FANK1: variants seen among roughly 807,000 people sequenced by gnomAD.
FANK1 encodes the protein fibronectin type III and ankyrin repeat domains 1, also known as fibronectin type 3 and ankyrin repeat domains protein 1.
Under a neutral mutation model 45.3 loss-of-function variants are expected in FANK1, and 44 were observed. The observed-to-expected ratio is 0.97, with a 90% CI of 0.76 to 1.25. The LOEUF is 1.25. Among genes scored for constraint, FANK1 ranks in the 50% most tolerant of loss-of-function variants. The pLI, the probability that FANK1 is intolerant of heterozygous loss-of-function variation, is 0.00. For synonymous variants in FANK1, 149 were observed against 152.5 expected (o/e 0.98, Z 0.17); for missense variants, 391 against 424.4 (o/e 0.92, Z 0.69).
At chr10:125,920,646 C>T (rs1319478640) in intron 1 of FANK1, among the ~76,000 whole-genome samples, 2 of 152,118 alleles carry the variant, frequency 1.3e-5, no homozygotes, top group East Asian at 1.9e-4. Context: ...TGGGCTCAGC[C>T]GCTGTAGCTG....
intron 1 of FANK1, among the ~76,000 whole-genome samples, chr10:125,949,669 C>T (rs1422175012): frequency 5.1e-5 from 7 of 138,588 alleles, no homozygotes; most frequent in South Asian, 2.6e-4. Flanking sequence ...GAATCAATAT[C>T]GTGAAAATGG....
At chr10:126,007,354 A>G (rs978250789) in intron 7 of FANK1, among the ~76,000 whole-genome samples, 1 of 152,234 alleles carries the variant, frequency 6.6e-6, no homozygotes, top group Non-Finnish European at 1.5e-5. Flanking sequence ...ACCAAAAGAG[A>G]AAGTGTGTGT....
chr10:125,982,029 T>G (rs1478725478), intron 2 of FANK1, among the ~76,000 whole-genome samples: 1 of 152,266 alleles, frequency 6.6e-6, no homozygotes, highest in Non-Finnish European at 1.5e-5. Flanking sequence ...GTAGTTGCAA[T>G]GTAAAAATAG....
intron 1 of FANK1, chr10:125,979,822 C>G: frequency 2.1e-6 from 1 of 475,156 alleles, no homozygotes; most frequent in Non-Finnish European, 4.2e-6. Context: ...TTGTTAGTCA[C>G]TGAAGGATTA....
At chr10:125,946,325 A>G (rs1023792143) in intron 1 of FANK1, among the ~76,000 whole-genome samples, 2 of 149,104 alleles carry the variant, frequency 1.3e-5, no homozygotes, top group Non-Finnish European at 3.0e-5. Context: ...ACGGGAGGAC[A>G]TTCAAACCAA....
chr10:125,944,521 G>A lies in FANK1; in HGVS notation c.14-35640G>A, dbSNP rs555664911. Among the ~76,000 whole-genome samples the A allele has an allele frequency of 3.2e-4, 49 of 152,166 alleles. No homozygotes were observed. The East Asian group carries it at 4.3e-3, about 13-fold the overall frequency. ...GGGAGCAGGCCCCCCAAAATCTGGC[G>A]ATAAACCAGCCCCAAAACTGGCCAT... On this transcript the variant is annotated intron_variant, in intron 1 of 10. Coordinates refer to ENST00000368693, the MANE Select transcript of FANK1 (RefSeq NM_145235.5).
At chr10:125,927,832 C>A (rs1384524581) in intron 1 of FANK1, among the ~76,000 whole-genome samples, 1 of 152,144 alleles carries the variant, frequency 6.6e-6, no homozygotes, top group African/African-American at 2.4e-5. Context: ...AGGCATGAGC[C>A]ACTGTGCCCG....
intron 1 of FANK1, among the ~76,000 whole-genome samples, chr10:125,932,179 G>A (rs1947795636): frequency 6.6e-6 from 1 of 152,078 alleles, no homozygotes; most frequent in Non-Finnish European, 1.5e-5. Flanking sequence ...CTTTGGCTCT[G>A]CGGGCTCTTT....
At chr10:125,945,821 G>A (rs989949828) in intron 1 of FANK1, among the ~76,000 whole-genome samples, 1 of 152,212 alleles carries the variant, frequency 6.6e-6, no homozygotes, top group Non-Finnish European at 1.5e-5. Flanking sequence ...CAAAAAGACA[G>A]CAGTAACCTC....
chr10:125,930,016 T>C (rs1273744389), intron 1 of FANK1, among the ~76,000 whole-genome samples: 2 of 152,200 alleles, frequency 1.3e-5, no homozygotes, highest in Non-Finnish European at 2.9e-5. Context: ...CTTTTTCACA[T>C]GGCTATCCAG....
chr10:125,923,780 G>A lies in FANK1; in HGVS notation c.13+27125G>A, dbSNP rs78457026. ...TGAACTTAAGCATTCCTCCCACTTC[G>A]GTCTCCCAAAGTGCTGGGATTACAG... On this transcript the variant is annotated intron_variant, in intron 1 of 10. Coordinates refer to ENST00000368693, the MANE Select transcript of FANK1 (RefSeq NM_145235.5). Among the ~76,000 whole-genome samples, 12 of 151,472 alleles carry A rather than the reference G, an allele frequency of 7.9e-5. 1 individual carries two copies. The highest frequency in any genetic ancestry group is 4.2e-4 in the South Asian group (2 of 4,760).
intron 1 of FANK1, among the ~76,000 whole-genome samples, chr10:125,954,346 A>G (rs760732030): frequency 6.6e-6 from 1 of 152,216 alleles, no homozygotes; most frequent in African/African-American, 2.4e-5. Context: ...AGGATGCTGA[A>G]CAAGCTAAAC....
At chr10:125,948,651 C>T (rs1393736864) in intron 1 of FANK1, among the ~76,000 whole-genome samples, 1 of 152,140 alleles carries the variant, frequency 6.6e-6, no homozygotes, top group East Asian at 1.9e-4. Context: ...AGTCCAGGAC[C>T]AGATGGATTC....
At chr10:125,922,155 T>G (rs1946990056) in intron 1 of FANK1, among the ~76,000 whole-genome samples, 1 of 152,230 alleles carries the variant, frequency 6.6e-6, no homozygotes, top group African/African-American at 2.4e-5. Context: ...CAATTTTTCT[T>G]AAGACACTCT....
chr10:125,999,198 CTTTTT>C (rs34338283), intron 6 of FANK1, among the ~76,000 whole-genome samples: 1 of 124,472 alleles, frequency 8.0e-6, no homozygotes. Context: ...TAAAAAGTAT[CTTTTT>C]TTTTTTTTTT....
chr10:125,926,859 AT>A (rs1488856372), intron 1 of FANK1, among the ~76,000 whole-genome samples: 1 of 152,268 alleles, frequency 6.6e-6, no homozygotes, highest in Non-Finnish European at 1.5e-5. Context: ...AAGCTCTATT[AT>A]GTTAGTCTCA....
At position 125,990,301 on chromosome 10, in the gene FANK1, A is replaced by G. The variant is rs543192267; in HGVS notation, c.316+1626A>G. On this transcript the variant is annotated intron_variant, in intron 3 of 10. Coordinates refer to ENST00000368693, the MANE Select transcript of FANK1 (RefSeq NM_145235.5). ...CAGTGTGTGTGCCTGTGGCCTGAGCAGGAGTATCGCTTCAGCCAGGAGTTC... is the reference window on the plus strand; with the variant it reads ...CAGTGTGTGTGCCTGTGGCCTGAGCGGGAGTATCGCTTCAGCCAGGAGTTC... Among the ~76,000 whole-genome samples, 3 of 152,262 alleles carry G rather than the reference A, an allele frequency of 2.0e-5. No individual in the cohort carries two copies. The East Asian group carries it at 5.8e-4, about 29-fold the overall frequency.
rs540910555 is a variant in FANK1, at chr10:125,945,275, G to A, written c.14-34886G>A. 4.6e-5 allele frequency among the ~76,000 whole-genome samples: 7 copies of A among 152,280 alleles called. No individual in the cohort carries two copies. The South Asian group carries it at 6.2e-4, about 14-fold the overall frequency. On this transcript the variant is annotated intron_variant, in intron 1 of 10. Transcript: ENST00000368693. ...AAGATGGCCGAATAGGAACAGCTCC[G>A]GTCTACAGCTCCCAGTGTGAGCGAC... is the stretch of plus-strand genomic sequence containing the variant.
intron 1 of FANK1, among the ~76,000 whole-genome samples, chr10:125,970,194 G>A (rs1337394215): frequency 1.3e-5 from 2 of 152,116 alleles, no homozygotes; most frequent in South Asian, 4.1e-4. Flanking sequence ...CTTCCCAGAC[G>A]TGGTGGCTGG....
Sources: allele counts gnomAD v4.1 joint callset (sites outside exome capture counted in the v4.1 genomes callset), GRCh38; gene constraint gnomAD v4.1.1; transcripts MANE v1.5; gene names NCBI Gene and HGNC (gene_info 2026-07-23, HGNC 2026-07-21).